The following PREP variants were observed in gnomAD, a reference collection of about 807,000 sequenced individuals.
PREP encodes dJ355L5.1 (prolyl endopeptidase).
In PREP, 29 loss-of-function variants were observed where a neutral mutation model predicts 87.6. The ratio of observed to expected loss-of-function variants is 0.33; its 90% CI spans 0.25 to 0.45. PREP has a LOEUF of 0.45. Ranked by LOEUF, PREP falls within the 20% of genes least tolerant of loss-of-function variation. PREP has a pLI of 1.00. For missense variants in PREP, 695 were observed against 886.5 expected (o/e 0.78, Z 2.74); for synonymous variants, 337 against 328.6 (o/e 1.03, Z -0.28).
At chr6:105,318,275 G>A (rs1478515867) in intron 10 of PREP, among the ~76,000 whole-genome samples, 1 of 152,134 alleles carries the variant, frequency 6.6e-6, no homozygotes, top group African/African-American at 2.4e-5. Flanking sequence ...AGCAGATAGA[G>A]GATGCAAGTC....
At chr6:105,333,564 G>T in intron 7 of PREP, 59 bp from the exon 8 acceptor site, 1 of 1,537,888 alleles carries the variant, frequency 6.5e-7, no homozygotes, top group South Asian at 1.1e-5. Context: ...GTGTTGCTTT[G>T]TGTGTAGGGA....
intron 10 of PREP, among the ~76,000 whole-genome samples, chr6:105,317,009 A>C (rs10447466): frequency 0.072 from 10,946 of 151,176 alleles, 440 homozygotes; most frequent in South Asian, 0.14. Context: ...GCAGTGGCAC[A>C]ATCATAGTTC....
chr6:105,306,255 A>G (rs1770655518), intron 10 of PREP, among the ~76,000 whole-genome samples: 1 of 152,220 alleles, frequency 6.6e-6, no homozygotes, highest in African/African-American at 2.4e-5. Context: ...TTTACTGATG[A>G]TAGACGGCAT....
At chr6:105,279,203 G>A (rs1554203459) in intron 14 of PREP, 1 of 152,122 alleles carries the variant, frequency 6.6e-6, no homozygotes, top group Non-Finnish European at 1.5e-5. Context: ...GTTTTTCAAT[G>A]TATTTAATAT....
intron 7 of PREP, among the ~76,000 whole-genome samples, chr6:105,348,288 C>G (rs1040554692): frequency 6.6e-6 from 1 of 152,144 alleles, no homozygotes; most frequent in African/African-American, 2.4e-5. Context: ...GATAAAGATT[C>G]AAAATGCTCA....
chr6:105,341,335 C>A (rs1771643560), intron 7 of PREP, among the ~76,000 whole-genome samples: 1 of 152,152 alleles, frequency 6.6e-6, no homozygotes. Flanking sequence ...TCCTTTGAAA[C>A]CAATGAGAAC....
chr6:105,374,690 A>C (rs1048167512), intron 4 of PREP, among the ~76,000 whole-genome samples: 5 of 82,082 alleles, frequency 6.1e-5, no homozygotes, highest in African/African-American at 1.3e-4. Flanking sequence ...ATATATATAT[A>C]TATCAGAAAA....
intron 5 of PREP, among the ~76,000 whole-genome samples, chr6:105,372,219 A>C (rs1010855828): frequency 3.3e-5 from 5 of 151,992 alleles, no homozygotes; most frequent in Non-Finnish European, 5.9e-5. Context: ...AAAAAAAAAA[A>C]CAGAAAAGAA....
chr6:105,305,646 G>A (rs568694094), intron 10 of PREP, among the ~76,000 whole-genome samples: 1 of 152,200 alleles, frequency 6.6e-6, no homozygotes, highest in South Asian at 2.1e-4. Context: ...GAACTTGGCT[G>A]TGTGAAATGT....
In PREP at chr6:105,333,575, G is replaced by A. The variant is rs1218119013; in HGVS notation, c.824-70C>T. The A allele has an allele frequency of 4.1e-6, 6 of 1,460,846 alleles. No individual in the cohort carries two copies. The South Asian group carries it at 5.9e-5, about 14-fold the overall frequency. The allele number at this position is 1,460,846 out of a possible 1,614,324, so 90.5% of individuals were successfully genotyped here. On this transcript the variant is annotated intron_variant, in intron 7 of 14. Coordinates refer to ENST00000652536, the MANE Select transcript of PREP (RefSeq NM_002726.5). ...AATGGTGTTGCTTTGTGTGTAGGGAGGGGAGGGTGGATCTTTCTTATCCTC... is the reference window on the plus strand; with the variant it reads ...AATGGTGTTGCTTTGTGTGTAGGGAAGGGAGGGTGGATCTTTCTTATCCTC...
At chr6:105,349,313 G>T (rs1771880335) in intron 7 of PREP, among the ~76,000 whole-genome samples, 1 of 152,136 alleles carries the variant, frequency 6.6e-6, no homozygotes, top group Non-Finnish European at 1.5e-5. Flanking sequence ...ACTCCCATAA[G>T]GCAGCAAAAG....
At chr6:105,367,620 C>G (rs1198196068) in intron 6 of PREP, among the ~76,000 whole-genome samples, 1 of 147,716 alleles carries the variant, frequency 6.8e-6, no homozygotes, top group Non-Finnish European at 1.5e-5. Context: ...TGCAGTGAGC[C>G]GAGATCCCGC....
At position 105,276,549 on chromosome 6, in the gene PREP, C is replaced by T. The variant is rs1769935210; in HGVS notation, c.*1595G>A. Among the ~76,000 whole-genome samples, 1 of 152,338 alleles carries T rather than the reference C, an allele frequency of 6.6e-6. No homozygotes were observed. Among genetic ancestry groups the T allele is most frequent in the East Asian group, 1.9e-4 (1 of 5,176 alleles). On this transcript the variant is annotated 3_prime_UTR_variant, in exon 15 of 15. Coordinates refer to ENST00000652536, the MANE Select transcript of PREP (RefSeq NM_002726.5). ...TTCCTGCCATGCTGGTCAGCAGTTA[C>T]ACCAAAGCTAGCTAGTATCAGTATC...
intron 2 of PREP, among the ~76,000 whole-genome samples, chr6:105,383,253 TA>T (rs35025983): frequency 0.31 from 42,726 of 137,554 alleles, 7,918 homozygotes; most frequent in African/African-American, 0.56. Flanking sequence ...TCTCTACCAT[TA>T]AAAAAAAAAA....
chr6:105,402,302 C>A (rs1773453546), intron 1 of PREP, among the ~76,000 whole-genome samples: 1 of 152,146 alleles, frequency 6.6e-6, no homozygotes, highest in South Asian at 2.1e-4. Flanking sequence ...GCGCCTCATC[C>A]GACCTGGGAC....
rs897658974 is a variant in PREP at position 105,285,561 on chromosome 6, C to A, written c.1474G>T (p.Val492Leu). 5 of 1,614,010 alleles carry A rather than the reference C, an allele frequency of 3.1e-6. No individual in the cohort carries two copies. Among genetic ancestry groups the A allele is most frequent in the Non-Finnish European group, 4.2e-6 (5 of 1,179,930 alleles). The change falls in exon 12 of 15, where the codon GTG becomes TTG. Residue 492 changes from valine (V) to leucine (L), a missense_variant. Around this residue, in one of 5 missense-constraint regions of PREP, gnomAD observed 517 missense variants for 620.3 expected, o/e 0.83. Coordinates refer to ENST00000652536, the MANE Select transcript of PREP (RefSeq NM_002726.5). ...GCCAGGATACCACCCATGTGTCTCA[C>A]AAAAATAAGCCTGGAAACACTGAGA... ...PNYSVSRLIF[V>L]RHMGGILAVA...
At chr6:105,393,227 T>A (rs945361867) in intron 2 of PREP, among the ~76,000 whole-genome samples, 3 of 152,214 alleles carry the variant, frequency 2.0e-5, no homozygotes, top group African/African-American at 7.2e-5. Context: ...GTGAGAAACA[T>A]CTGTAGCTCT....
chr6:105,317,165 C>T (rs995097554), intron 10 of PREP, among the ~76,000 whole-genome samples: 2 of 151,336 alleles, frequency 1.3e-5, no homozygotes, highest in African/African-American at 2.4e-5. Context: ...GCTATGTTAC[C>T]CAGGCTGGTC....
intron 8 of PREP, among the ~76,000 whole-genome samples, chr6:105,330,522 A>T (rs1771299973): frequency 6.6e-6 from 1 of 152,126 alleles, no homozygotes; most frequent in Non-Finnish European, 1.5e-5. Context: ...TGATGAGGAA[A>T]GGAGAAAACG....
Sources: allele counts gnomAD v4.1 joint callset (sites outside exome capture counted in the v4.1 genomes callset), GRCh38; gene constraint gnomAD v4.1.1; regional missense constraint gnomAD v4.1.1; transcripts MANE v1.5; gene names NCBI Gene and HGNC (gene_info 2026-07-23, HGNC 2026-07-21).